ZFYVE28: variants seen among roughly 807,000 people sequenced by gnomAD.
ZFYVE28 encodes lateral signaling target protein 2 homolog.
Under a neutral mutation model 82.1 loss-of-function variants are expected in ZFYVE28, and 40 were observed. The ratio of observed to expected loss-of-function variants is 0.49; its 90% CI spans 0.38 to 0.63. The LOEUF is 0.63. ZFYVE28 is among the 30% of genes least tolerant of loss of function. ZFYVE28 has a pLI of 0.00. For synonymous variants in ZFYVE28, 612 were observed against 546.1 expected, an observed-to-expected ratio of 1.12 and a Z score of -1.68; for missense variants, 1,321 against 1,242.1, an observed-to-expected ratio of 1.06 and a Z score of -0.96.
intron 8 of ZFYVE28, among the ~76,000 whole-genome samples, chr4:2,281,504 G>A (rs968804596): frequency 2.8e-4 from 42 of 152,126 alleles, no homozygotes; most frequent in Non-Finnish European, 8.8e-5. Flanking sequence ...GGAAGGCATC[G>A]CATGGGCAAG....
intron 7 of ZFYVE28, among the ~76,000 whole-genome samples, chr4:2,308,046 C>T (rs1716853723): frequency 6.6e-6 from 1 of 152,170 alleles, no homozygotes; most frequent in East Asian, 1.9e-4. Context: ...TTGAATGGGT[C>T]TCAAGTCCAT....
Position 2,339,468 on chromosome 4 carries a change from G to A in ZFYVE28, c.506C>T (p.Ala169Val), listed in dbSNP as rs746694468. 1.7e-5 allele frequency: 27 copies of A among 1,613,800 alleles called. No individual in the cohort carries two copies. The highest frequency in any genetic ancestry group is 2.2e-5 in the Non-Finnish European group (26 of 1,179,942). ...GCTGCAGTACCTGAGCTCAAACTCT[G>A]CGAACAGGACGTCGAAGTGCCTCAG... is the stretch of plus-strand genomic sequence containing the variant. ...EALRHFDVLF[A>V]EFELSYVSAM... Residue 169 changes from alanine to valine, a missense_variant, in exon 4 of 13, where the codon GCA becomes GTA. Physicochemically the swap from Ala to Val is moderately conservative, Grantham distance 64. Coordinates refer to ENST00000290974, the MANE Select transcript of ZFYVE28 (RefSeq NM_020972.3). This position sits in a 1 kb window ranked among gnomAD's most constrained non-coding sequence, Gnocchi z 5.0.
chr4:2,279,322 C>T (rs1460073539), intron 8 of ZFYVE28, among the ~76,000 whole-genome samples: 2 of 152,184 alleles, frequency 1.3e-5, no homozygotes, highest in Admixed American at 6.5e-5. Flanking sequence ...ATCCCAGCTA[C>T]CCGGGAAGCT....
chr4:2,340,343 G>A (rs1722594944), intron 3 of ZFYVE28, among the ~76,000 whole-genome samples: 1 of 152,188 alleles, frequency 6.6e-6, no homozygotes, highest in Non-Finnish European at 1.5e-5. Flanking sequence ...TCAGCAACTG[G>A]GAATTTCACC....
chr4:2,305,286 C>T lies in ZFYVE28; in HGVS notation c.1054G>A (p.Ala352Thr), dbSNP rs1252201170. The stretch of plus-strand genomic sequence containing the variant: ...AGCAAAGAGGACATCTCGTCCCCCG[C>T]CCTGTGGACCATGCGGCTGAGCTGC... ...LEQLSRMVHR[A>T]GDEMSSLLSP... The change falls in exon 8 of 13, where the codon GCG becomes ACG. Residue 352 changes from alanine (A) to threonine (T), a missense_variant. Transcript: ENST00000290974. 6.2e-7 allele frequency: 1 copy of T among 1,613,128 alleles called. No homozygotes were observed. Among genetic ancestry groups the T allele is most frequent in the South Asian group, 1.1e-5 (1 of 91,074 alleles).
intron 7 of ZFYVE28, among the ~76,000 whole-genome samples, chr4:2,307,669 T>C (rs28768151): frequency 2.0e-5 from 3 of 152,052 alleles, no homozygotes; most frequent in African/African-American, 7.2e-5. Context: ...ATTAAAAAAA[T>C]TTTTTTTAGA....
At chr4:2,367,919 G>A (rs1337249886) in intron 1 of ZFYVE28, among the ~76,000 whole-genome samples, 3 of 152,140 alleles carry the variant, frequency 2.0e-5, no homozygotes, top group Non-Finnish European at 4.4e-5. Context: ...AACATGCCAG[G>A]TGCCCTCCCC....
intron 6 of ZFYVE28, chr4:2,328,850 C>T: frequency 2.8e-6 from 1 of 352,438 alleles, no homozygotes; most frequent in Non-Finnish European, 5.1e-6. Context: ...TGTGGTTATC[C>T]AGTTGCTCCA....
In ZFYVE28 at chr4:2,333,277, GC is replaced by G. The variant is rs1352204697; in HGVS notation, c.701+2427del. Among the ~76,000 whole-genome samples, 310 of 89,110 alleles carry G rather than the reference GC, an allele frequency of 3.5e-3. 9 individuals are homozygous for G. The highest frequency in any genetic ancestry group is 0.03 in the Admixed American group (228 of 7,642). The allele number at this position is 89,110 out of a possible 152,430, so 58.5% of individuals were successfully genotyped here. On this transcript the variant is annotated intron_variant, in intron 6 of 12. Coordinates refer to ENST00000290974, the MANE Select transcript of ZFYVE28 (RefSeq NM_020972.3). ...ACTCCCCCACCTCCCTCCCCAAGCTGCCCCCCCACCTCCCTCCTCTGGCCTC... is the reference window on the plus strand; with the variant it reads ...ACTCCCCCACCTCCCTCCCCAAGCTGCCCCCCACCTCCCTCCTCTGGCCTC...
chr4:2,411,108 A>G (rs1355604761), intron 1 of ZFYVE28, among the ~76,000 whole-genome samples: 1 of 152,132 alleles, frequency 6.6e-6, no homozygotes, highest in East Asian at 1.9e-4. Flanking sequence ...GTAAAATACC[A>G]CCTTTCTGGT....
intron 7 of ZFYVE28, among the ~76,000 whole-genome samples, chr4:2,314,625 TACA>T (rs1717944456): frequency 6.6e-6 from 1 of 152,234 alleles, no homozygotes; most frequent in Admixed American, 6.5e-5. Context: ...ACATTTCCAG[TACA>T]ACTTTAAAAT....
At position 2,346,203 on chromosome 4, in the gene ZFYVE28, G is replaced by A. The variant is rs6819313; in HGVS notation, c.181-4588C>T. On this transcript the variant is annotated intron_variant, in intron 2 of 12. Coordinates refer to ENST00000290974, the MANE Select transcript of ZFYVE28 (RefSeq NM_020972.3). ...AAAAAATACAAAAAATTAGCCGGGC[G>A]TGGTGGTGGGCGCCTATAGTCCCAG... Among the ~76,000 whole-genome samples, 18 of 150,640 alleles carry A rather than the reference G, an allele frequency of 1.2e-4. No homozygotes were observed. In the South Asian group the frequency reaches 1.5e-3, roughly 12 times the overall value.
Position 2,304,456 on chromosome 4 carries a change from G to T in ZFYVE28, c.1884C>A (p.Ala628=), listed in dbSNP as rs1169918676. 6.2e-7 allele frequency: 1 copy of T among 1,613,608 alleles called. No individual in the cohort carries two copies. The highest frequency in any genetic ancestry group is 8.5e-7 in the Non-Finnish European group (1 of 1,179,962). The change falls in exon 8 of 13, where the codon GCC becomes GCA. Residue 628 remains alanine (A), a synonymous_variant. Transcript: ENST00000290974. The stretch of plus-strand genomic sequence containing the variant: ...GAGGCAGGCACTTGTCGGAAGTGGG[G>T]GCTTTGGGCTCCCGCCCGTTGGAGG... ...EDASNGREPK[A]PTSDKCLPHT...
Position 2,271,398 on chromosome 4 carries a change from C to T in ZFYVE28, c.2445G>A (p.Val815=). The T allele has an allele frequency of 6.2e-7, 1 of 1,612,834 alleles. No homozygotes were observed. The highest frequency in any genetic ancestry group is 8.5e-7 in the Non-Finnish European group (1 of 1,179,884). ...TGCAGAAGCCACAGGCCTCGTCTGG[C>T]ACCCACTCCGGGGGGTCTGTCACAA... ...DGDFEDPPEW[V]PDEACGFCTA... The change falls in exon 12 of 13, where the codon GTG becomes GTA. Residue 815 remains valine, a synonymous_variant. Coordinates refer to ENST00000290974, the MANE Select transcript of ZFYVE28 (RefSeq NM_020972.3).
rs776498427 is a variant in ZFYVE28, at chr4:2,341,542, C to A, written c.254G>T (p.Cys85Phe). The change falls in exon 3 of 13, where the codon TGC becomes TTC. Residue 85 changes from cysteine (C) to phenylalanine (F), a missense_variant. Cys to Phe is a radical substitution (Grantham distance 205). Coordinates refer to ENST00000290974, the MANE Select transcript of ZFYVE28 (RefSeq NM_020972.3). The surrounding 1 kb of genome is among the most constrained non-coding windows in gnomAD (Gnocchi z 4.5). ...CCGGATCTCCTCAGGGAACTTGACG[C>A]AGAAATCTCTGGGGGCGCGGTCCTG... Reference protein sequence around the residue: ...IPQDRAPRDFCVKFPEEIRHD... With the variant: ...IPQDRAPRDFFVKFPEEIRHD... 5.6e-6 allele frequency: 9 copies of A among 1,613,976 alleles called. No homozygotes were observed. Among genetic ancestry groups the A allele is most frequent in the Non-Finnish European group, 4.2e-6 (5 of 1,180,032 alleles).
intron 7 of ZFYVE28, among the ~76,000 whole-genome samples, chr4:2,314,132 T>C (rs1446998178): frequency 2.6e-5 from 4 of 152,246 alleles, no homozygotes; most frequent in Non-Finnish European, 5.9e-5. Context: ...CCTACTGAAT[T>C]GCCTGTTTAT....
In ZFYVE28 at chr4:2,269,691, C is replaced by T. The variant is rs368714290; in HGVS notation, c.*1034G>A. 1 of 152,100 alleles carries T rather than the reference C, an allele frequency of 6.6e-6. No homozygotes were observed. The highest frequency in any genetic ancestry group is 2.4e-5 in the African/African-American group (1 of 41,410). The allele number at this position is 152,100 out of a possible 1,614,324, so 9.4% of individuals were successfully genotyped here. On this transcript the variant is annotated 3_prime_UTR_variant, in exon 13 of 13. Transcript: ENST00000290974. ...TACATAATATTTCCTCCATTATATA[C>T]TCTCCCCCCGACAGAAGCCGTTTCT...
At position 2,374,838 on chromosome 4, in the gene ZFYVE28, G is replaced by T. The variant is rs116076352; in HGVS notation, c.40-20765C>A. ...TGATGTTCTTTCTAGAAAGTTCTTA[G>T]GACATATCTTTGTACCCAGCCCCAC... On this transcript the variant is annotated intron_variant, in intron 1 of 12. Coordinates refer to ENST00000290974, the MANE Select transcript of ZFYVE28 (RefSeq NM_020972.3). 6.2e-3 allele frequency among the ~76,000 whole-genome samples: 937 copies of T among 152,258 alleles called. 10 individuals are homozygous for T. Among genetic ancestry groups the T allele is most frequent in the African/African-American group, 0.021 (890 of 41,540 alleles).
At chr4:2,411,517 C>T (rs890741324) in intron 1 of ZFYVE28, among the ~76,000 whole-genome samples, 2 of 152,112 alleles carry the variant, frequency 1.3e-5, no homozygotes, top group Non-Finnish European at 2.9e-5. Context: ...CAAAAGTAAT[C>T]GTTTCACCAA....
Sources: allele counts gnomAD v4.1 joint callset (sites outside exome capture counted in the v4.1 genomes callset), GRCh38; gene constraint gnomAD v4.1.1; non-coding constraint Gnocchi (gnomAD v3.1); transcripts MANE v1.5; gene names NCBI Gene and HGNC (gene_info 2026-07-23, HGNC 2026-07-21).